ZNF341: variants seen among roughly 807,000 people sequenced by gnomAD.
ZNF341 encodes zinc finger protein 341.
A neutral mutation model predicts 87.7 loss-of-function variants in ZNF341; 52 were observed. The ratio of observed to expected loss-of-function variants is 0.59; its 90% CI spans 0.47 to 0.75. ZNF341 has a LOEUF of 0.75. Ranked by LOEUF, ZNF341 falls within the 30% of genes least tolerant of loss-of-function variation. The pLI, the probability that ZNF341 is intolerant of heterozygous loss-of-function variation, is 0.00. For missense variants in ZNF341, 977 were observed against 1,145.9 expected (o/e 0.85, Z 2.13); for synonymous variants, 459 against 472.7 (o/e 0.97, Z 0.38).
chr20:33,736,042 T>C (rs893775919), intron 1 of ZNF341, among the ~76,000 whole-genome samples: 1 of 151,046 alleles, frequency 6.6e-6, no homozygotes, highest in Non-Finnish European at 1.5e-5. Flanking sequence ...TATTCCATAG[T>C]ATGGCTATTT....
intron 4 of ZNF341, among the ~76,000 whole-genome samples, chr20:33,751,764 A>T (rs1243121174): frequency 6.6e-6 from 1 of 151,744 alleles, no homozygotes. Context: ...TTTAGTAGAG[A>T]TGGGGTTTTG....
chr20:33,735,464 G>A (rs1601226192), intron 1 of ZNF341, among the ~76,000 whole-genome samples: 1 of 152,022 alleles, frequency 6.6e-6, no homozygotes, highest in Non-Finnish European at 1.5e-5. Context: ...CCTCCCAGGT[G>A]CGTGCCAGGA....
At chr20:33,766,820 C>T (rs1435016097) in intron 8 of ZNF341, 31 bp from the exon 9 acceptor site, 3 of 1,577,708 alleles carry the variant, frequency 1.9e-6, no homozygotes, top group South Asian at 1.2e-5. Flanking sequence ...GGGCCGGCTC[C>T]TTGTCCTGAC....
At chr20:33,736,287 G>C (rs915261638) in intron 1 of ZNF341, among the ~76,000 whole-genome samples, 6 of 151,932 alleles carry the variant, frequency 3.9e-5, no homozygotes, top group Admixed American at 3.9e-4. Flanking sequence ...AATTGTAACA[G>C]TGAGAAAATC....
chr20:33,742,672 C>T (rs191189907), intron 2 of ZNF341, among the ~76,000 whole-genome samples: 1 of 151,902 alleles, frequency 6.6e-6, no homozygotes, highest in African/African-American at 2.4e-5. Flanking sequence ...TCTGTGCTGC[C>T]CAGGCTGGTC....
chr20:33,758,694 C>G (rs1037043004), intron 6 of ZNF341, 22 bp from the exon 7 acceptor site: 1 of 1,605,930 alleles, frequency 6.2e-7, no homozygotes, highest in African/African-American at 1.3e-5. Context: ...CTCATTGTCC[C>G]CTCCTTCCAC....
chr20:33,758,874 A>G, intron 7 of ZNF341, 68 bp downstream of exon 7: 1 of 1,391,062 alleles, frequency 7.2e-7, no homozygotes, highest in Non-Finnish European at 1.0e-6. Flanking sequence ...GCTGGAAGCG[A>G]GACTCCCTTC....
intron 3 of ZNF341, 139 bp downstream of exon 3, chr20:33,745,438 G>A (rs2018898732): frequency 2.5e-6 from 2 of 812,634 alleles, no homozygotes; most frequent in Non-Finnish European, 3.8e-6. Context: ...GATGGATGGT[G>A]CACATGTACT....
At chr20:33,752,117 C>T (rs758732824) in intron 4 of ZNF341, 37 of 386,654 alleles carry the variant, frequency 9.6e-5, no homozygotes, top group African/African-American at 4.9e-4. Context: ...AGCCCCCCCC[C>T]CTTTTTTTTT....
chr20:33,774,150 G>T (rs376103827), intron 10 of ZNF341, among the ~76,000 whole-genome samples: 15 of 151,068 alleles, frequency 9.9e-5, no homozygotes, highest in African/African-American at 3.2e-4. Flanking sequence ...AAATTAGCTG[G>T]GTGTGGTGGC....
chr20:33,771,117 G>A (rs958048355), intron 10 of ZNF341, among the ~76,000 whole-genome samples: 15 of 151,700 alleles, frequency 9.9e-5, no homozygotes, highest in East Asian at 1.9e-4. Flanking sequence ...GCAACACTCC[G>A]TCTCAAAAAA....
At chr20:33,781,219 T>C in intron 10 of ZNF341, 72 bp from the exon 11 acceptor site, 4 of 1,148,612 alleles carry the variant, frequency 3.5e-6, no homozygotes, top group Non-Finnish European at 5.3e-6. Context: ...ATGTTGGCCC[T>C]GGGGTGGCCG....
At chr20:33,759,108 C>G (rs1469966654) in intron 7 of ZNF341, among the ~76,000 whole-genome samples, 1 of 152,208 alleles carries the variant, frequency 6.6e-6, no homozygotes, top group African/African-American at 2.4e-5. Context: ...TCTTAGGCCT[C>G]CCCTCTGCAG....
intron 1 of ZNF341, among the ~76,000 whole-genome samples, chr20:33,736,553 G>A (rs1213974042): frequency 6.6e-6 from 1 of 152,046 alleles, no homozygotes; most frequent in Non-Finnish European, 1.5e-5. Flanking sequence ...GCAGTGGCAT[G>A]ATCTTGGCTC....
In ZNF341 at chr20:33,783,916, C is replaced by T. The variant is rs1321820282; in HGVS notation, c.1852+52C>T. The T allele has an allele frequency of 3.2e-6, 5 of 1,550,010 alleles. No homozygotes were observed. In the South Asian group the frequency reaches 4.7e-5, roughly 15 times the overall value. On this transcript the variant is annotated intron_variant, in intron 12 of 14. Transcript: ENST00000375200. ...AGCCCAGCCCCTCCCCTCCCCCTCC[C>T]CCTCTCCTCATGCCTTTCTCTCTCT...
In ZNF341 at chr20:33,758,774, CA is replaced by C. The variant is rs1178791189; in HGVS notation, c.1001del (p.Asn334ThrfsTer56). ...KCSYCDKSFT[K>X]NFDLQQHIRS... ...GCTCATACTGTGACAAGTCATTCAC[CA>C]AAAACTTTGACCTGCAGCAGCACAT... is the stretch of plus-strand genomic sequence containing the variant. On this transcript the variant is annotated frameshift_variant, in exon 7 of 15. Coordinates refer to ENST00000375200, the MANE Select transcript of ZNF341 (RefSeq NM_001282933.2). LOFTEE classifies it high-confidence loss of function. 1.2e-6 allele frequency: 2 copies of C among 1,613,842 alleles called. No individual in the cohort carries two copies. Among genetic ancestry groups the C allele is most frequent in the Non-Finnish European group, 1.7e-6 (2 of 1,179,970 alleles).
intron 4 of ZNF341, among the ~76,000 whole-genome samples, chr20:33,751,460 G>A (rs1474648521): frequency 6.6e-6 from 1 of 152,098 alleles, no homozygotes; most frequent in African/African-American, 2.4e-5. Context: ...GGTGGGGAGA[G>A]GTTGCACAAA....
chr20:33,752,298 A>T (rs749283352), intron 4 of ZNF341: 10 of 605,116 alleles, frequency 1.7e-5, no homozygotes, highest in Non-Finnish European at 3.2e-5. Context: ...ACACGGATGC[A>T]GTATGGGACA....
In ZNF341 at chr20:33,783,165, A is replaced by AAAT. The variant is rs1180578539; in HGVS notation, c.1720-564_1720-562dup. On this transcript the variant is annotated intron_variant, in intron 11 of 14. Transcript: ENST00000375200. ...GCGAAACTGCATCTCAAATAAAATA[A>AAAT]AATAAAATAAATAAAAGTAAAAAAT... Among the ~76,000 whole-genome samples the AAAT allele has an allele frequency of 3.2e-5, 4 of 124,838 alleles. No homozygotes were observed. The Admixed American group carries it at 3.3e-4, about 10-fold the overall frequency. The allele number at this position is 124,838 out of a possible 152,430, so 81.9% of individuals were successfully genotyped here.
Sources: gnomAD v4.1 joint callset for allele counts (sites outside exome capture counted in the v4.1 genomes callset) on GRCh38, gnomAD v4.1.1 for gene constraint, MANE v1.5 for transcripts, NCBI Gene and HGNC (gene_info 2026-07-23, HGNC 2026-07-21) for gene names.